The following TMC1 variants were observed in gnomAD, a reference collection of about 807,000 sequenced individuals.
TMC1 encodes transmembrane channel-like protein 1.
Under a neutral mutation model 105.8 loss-of-function variants are expected in TMC1, and 84 were observed. That is an observed-to-expected ratio of 0.79 (90% CI 0.67 to 0.95). The LOEUF is 0.95. TMC1 is among the 40% of genes least tolerant of loss of function. The probability of loss-of-function intolerance (pLI) is 0.00; values close to 1 mark genes in which losing one functional copy is unlikely to be tolerated. For synonymous variants in TMC1, 315 were observed against 311.5 expected, an observed-to-expected ratio of 1.01 and a Z score of -0.12; for missense variants, 817 against 914.1, an observed-to-expected ratio of 0.89 and a Z score of 1.37.
chr9:72,642,427 G>C (rs773705773), intron 4 of TMC1, among the ~76,000 whole-genome samples: 2 of 152,154 alleles, frequency 1.3e-5, no homozygotes, highest in South Asian at 4.1e-4. Flanking sequence ...TTTAAGGCAA[G>C]AACTTAAACG....
At chr9:72,783,597 T>C (rs1306435213) in intron 13 of TMC1, among the ~76,000 whole-genome samples, 1 of 152,182 alleles carries the variant, frequency 6.6e-6, no homozygotes, top group Non-Finnish European at 1.5e-5. Context: ...CAGTCTCCTC[T>C]GGCAACACCT....
intron 1 of TMC1, among the ~76,000 whole-genome samples, chr9:72,548,480 A>C (rs993381651): frequency 6.6e-6 from 1 of 152,030 alleles, no homozygotes; most frequent in Admixed American, 6.6e-5. Flanking sequence ...AGGCTGAGGC[A>C]GGAGAACTGC....
In TMC1 at chr9:72,738,676, C is replaced by T. The variant is rs189163244; in HGVS notation, c.363-1443C>T. On this transcript the variant is annotated intron_variant, in intron 8 of 23. Coordinates refer to ENST00000297784, the MANE Select transcript of TMC1 (RefSeq NM_138691.3). ...CAAGTGATCCACCCACCTTGGCTTCCCAAAGTGCTGGGATTACAGGTATGA... is the reference window on the plus strand; with the variant it reads ...CAAGTGATCCACCCACCTTGGCTTCTCAAAGTGCTGGGATTACAGGTATGA... Among the ~76,000 whole-genome samples, 819 of 152,178 alleles carry T rather than the reference C, an allele frequency of 5.4e-3. 5 individuals carry two copies. The highest frequency in any genetic ancestry group is 7.3e-3 in the Non-Finnish European group (495 of 68,002).
At chr9:72,749,940 C>T (rs1827552258) in intron 10 of TMC1, among the ~76,000 whole-genome samples, 1 of 151,920 alleles carries the variant, frequency 6.6e-6, no homozygotes, top group South Asian at 2.1e-4. Flanking sequence ...AACCCTGTTT[C>T]CACTAAAATT....
chr9:72,808,764 C>T (rs1459260270), intron 18 of TMC1: 3 of 152,246 alleles, frequency 2.0e-5, no homozygotes, highest in African/African-American at 7.2e-5. Flanking sequence ...ATGCTTCTCT[C>T]CTCACCAGTG....
chr9:72,741,934 C>G (rs1159974545), intron 9 of TMC1, among the ~76,000 whole-genome samples: 1 of 152,218 alleles, frequency 6.6e-6, no homozygotes, highest in African/African-American at 2.4e-5. Context: ...TGTCATACAA[C>G]TTACCATCTT....
chr9:72,817,794 T>C (rs921810424), intron 19 of TMC1, among the ~76,000 whole-genome samples: 1 of 152,198 alleles, frequency 6.6e-6, no homozygotes, highest in Non-Finnish European at 1.5e-5. Context: ...CTAACATGTT[T>C]TTCCAGTTCT....
At chr9:72,746,902 T>C (rs1277880482) in intron 10 of TMC1, among the ~76,000 whole-genome samples, 1 of 152,208 alleles carries the variant, frequency 6.6e-6, no homozygotes. Flanking sequence ...GTTGCTCCTG[T>C]GGACACATCT....
At chr9:72,567,660 C>T (rs892149430) in intron 1 of TMC1, among the ~76,000 whole-genome samples, 8 of 152,100 alleles carry the variant, frequency 5.3e-5, no homozygotes, top group Non-Finnish European at 7.4e-5. Context: ...AACCGCCCCC[C>T]ATGATCCGAT....
In TMC1 at chr9:72,789,144, G is replaced by A. The variant is rs771497286; in HGVS notation, c.1051G>A (p.Ala351Thr). 4.3e-6 allele frequency: 7 copies of A among 1,612,728 alleles called. No homozygotes were observed. The highest frequency in any genetic ancestry group is 2.2e-5 in the South Asian group (2 of 91,006). Residue 351 changes from alanine to threonine, a missense_variant, in exon 15 of 24, where the codon GCA becomes ACA. By Grantham distance (58) the Ala-to-Thr change is moderately conservative. Coordinates refer to ENST00000297784, the MANE Select transcript of TMC1 (RefSeq NM_138691.3). The stretch of plus-strand genomic sequence containing the variant: ...ACAGGAAGCTATCACAGAAGAAAAA[G>A]CAGCCCAAGTAGAAGAAAACGTCCA... Reference protein sequence around the residue: ...NFKEAITEEKAAQVEENVHLI... With the variant: ...NFKEAITEEKTAQVEENVHLI...
At chr9:72,803,970 A>G (rs1176091866) in intron 17 of TMC1, among the ~76,000 whole-genome samples, 1 of 152,222 alleles carries the variant, frequency 6.6e-6, no homozygotes, top group Non-Finnish European at 1.5e-5. Flanking sequence ...TAGCAGAGAC[A>G]TGGAATCAAT....
At position 72,541,214 on chromosome 9, in the gene TMC1, T is replaced by C. The variant is rs1023259915; in HGVS notation, c.-428+19301T>C. Among the ~76,000 whole-genome samples, 3 of 152,218 alleles carry C rather than the reference T, an allele frequency of 2.0e-5. No individual in the cohort carries two copies. The South Asian group carries it at 6.2e-4, about 31-fold the overall frequency. On this transcript the variant is annotated intron_variant, in intron 1 of 23. Transcript: ENST00000297784. The stretch of plus-strand genomic sequence containing the variant: ...TAGCCACCTATTTTGATGCCAAATC[T>C]TTACACCAACCAGTGTTATCACTTA...
chr9:72,747,555 C>T (rs553922479), intron 10 of TMC1, among the ~76,000 whole-genome samples: 5 of 152,252 alleles, frequency 3.3e-5, no homozygotes, highest in East Asian at 1.9e-4. Context: ...CAGTTTAATA[C>T]GTATCAGAGA....
chr9:72,749,841 G>T (rs1041092767), intron 10 of TMC1, among the ~76,000 whole-genome samples: 4 of 152,272 alleles, frequency 2.6e-5, no homozygotes, highest in Admixed American at 1.3e-4. Flanking sequence ...AGGTGCAGTG[G>T]CTCACTCCTG....
chr9:72,606,094 C>A (rs1824907242), intron 2 of TMC1, among the ~76,000 whole-genome samples: 1 of 152,140 alleles, frequency 6.6e-6, no homozygotes, highest in Non-Finnish European at 1.5e-5. Context: ...AGCCCATAGA[C>A]ACCTGTCATG....
chr9:72,634,149 C>T (rs535502596), intron 4 of TMC1, among the ~76,000 whole-genome samples: 1 of 152,138 alleles, frequency 6.6e-6, no homozygotes, highest in Non-Finnish European at 1.5e-5. Context: ...AGTATCCAAA[C>T]TGTCTTCGCA....
At chr9:72,685,232 G>T (rs994394817) in intron 5 of TMC1, among the ~76,000 whole-genome samples, 1 of 149,508 alleles carries the variant, frequency 6.7e-6, no homozygotes, top group African/African-American at 2.5e-5. Context: ...TCAGCCTCCC[G>T]AGTAGCTGGG....
chr9:72,794,137 A>T (rs4294249), intron 17 of TMC1, among the ~76,000 whole-genome samples: 5 of 151,952 alleles, frequency 3.3e-5, no homozygotes, highest in African/African-American at 1.2e-4. Flanking sequence ...ACAACATAGA[A>T]CATCCATCCT....
intron 1 of TMC1, among the ~76,000 whole-genome samples, chr9:72,571,934 T>A (rs1824293292): frequency 6.6e-6 from 1 of 151,246 alleles, no homozygotes; most frequent in African/African-American, 2.4e-5. Context: ...CCTCCTGGAT[T>A]CAAGAGATCC....
Sources: gnomAD v4.1 joint callset for allele counts (sites outside exome capture counted in the v4.1 genomes callset) on GRCh38, gnomAD v4.1.1 for gene constraint, MANE v1.5 for transcripts, NCBI Gene and HGNC (gene_info 2026-07-23, HGNC 2026-07-21) for gene names.